The following FNDC3B variants were observed in gnomAD, a reference collection of about 807,000 sequenced individuals.
The protein encoded by FNDC3B is fibronectin type III domain containing 3B.
FNDC3B carries 12 observed loss-of-function variants against 151.5 expected under a neutral mutation model. The observed-to-expected ratio is 0.08, with a 90% CI of 0.05 to 0.13. FNDC3B has a LOEUF of 0.13. Ranked by LOEUF, FNDC3B falls within the 10% of genes least tolerant of loss-of-function variation. The probability of loss-of-function intolerance (pLI) is 1.00; values close to 1 mark genes in which losing one functional copy is unlikely to be tolerated. For synonymous variants in FNDC3B, 528 were observed against 549.0 expected, an observed-to-expected ratio of 0.96 and a Z score of 0.54; for missense variants, 1,214 against 1,505.3, an observed-to-expected ratio of 0.81 and a Z score of 3.20.
chr3:172,189,523 C>G (rs1020818939), intron 3 of FNDC3B, among the ~76,000 whole-genome samples: 2 of 152,150 alleles, frequency 1.3e-5, no homozygotes, highest in Non-Finnish European at 2.9e-5. Context: ...ACCAGTGCTT[C>G]AAACAAATTT....
chr3:172,101,084 A>C (rs753862559), intron 1 of FNDC3B, among the ~76,000 whole-genome samples: 1 of 152,208 alleles, frequency 6.6e-6, no homozygotes, highest in Non-Finnish European at 1.5e-5. Flanking sequence ...AGTGTGTAAA[A>C]TAAACATGAT....
chr3:172,095,788 TAAAA>T (rs918165248), intron 1 of FNDC3B, among the ~76,000 whole-genome samples: 5 of 99,670 alleles, frequency 5.0e-5, no homozygotes, highest in Admixed American at 1.2e-4. Flanking sequence ...TTTTCTTTGT[TAAAA>T]AAACAAACAA....
chr3:172,289,767 C>T (rs902549877), intron 7 of FNDC3B, among the ~76,000 whole-genome samples: 2 of 152,174 alleles, frequency 1.3e-5, no homozygotes, highest in East Asian at 1.9e-4. Flanking sequence ...CCTCCGCCAG[C>T]GTGTAAGGCA....
rs561914586 is a variant in FNDC3B at position 172,200,961 on chromosome 3, C to G, written c.188-25910C>G. On this transcript the variant is annotated intron_variant, in intron 3 of 25. Transcript: ENST00000415807. ...GTTTAATTTTTAACAAAAGAGCTAT[C>G]TTTGTGGCAATTGTTTTCAATATCT... 4.6e-5 allele frequency among the ~76,000 whole-genome samples: 7 copies of G among 152,274 alleles called. No homozygotes were observed. The South Asian group carries it at 1.5e-3, about 32-fold the overall frequency.
At chr3:172,366,684 AC>A (rs1734635867) in intron 23 of FNDC3B, among the ~76,000 whole-genome samples, 1 of 152,316 alleles carries the variant, frequency 6.6e-6, no homozygotes, top group East Asian at 1.9e-4. Context: ...CTAAAGATTG[AC>A]ACATGCACAA....
At chr3:172,102,688 A>G (rs1363399040) in intron 1 of FNDC3B, among the ~76,000 whole-genome samples, 1 of 152,136 alleles carries the variant, frequency 6.6e-6, no homozygotes, top group Non-Finnish European at 1.5e-5. Context: ...GTAGTGCCCA[A>G]GGTCTGGGCA....
intron 3 of FNDC3B, among the ~76,000 whole-genome samples, chr3:172,196,912 G>A (rs1724864044): frequency 6.6e-6 from 1 of 152,206 alleles, no homozygotes; most frequent in Non-Finnish European, 1.5e-5. Context: ...GCTGGGCATG[G>A]TGGCTCACGC....
At chr3:172,149,129 C>CTGTT (rs948971098) in intron 3 of FNDC3B, among the ~76,000 whole-genome samples, 29 of 152,294 alleles carry the variant, frequency 1.9e-4, no homozygotes, top group African/African-American at 6.7e-4. Flanking sequence ...TGTTTCAAGC[C>CTGTT]TGTTTCCCTT....
intron 2 of FNDC3B, among the ~76,000 whole-genome samples, chr3:172,122,769 C>G (rs564528350): frequency 9.2e-5 from 14 of 152,206 alleles, no homozygotes; most frequent in African/African-American, 1.2e-4. Context: ...ATAAAATGGA[C>G]AGTCTGCATT....
intron 12 of FNDC3B, chr3:172,330,290 C>G: frequency 2.7e-6 from 1 of 366,206 alleles, no homozygotes; most frequent in Non-Finnish European, 4.9e-6. Context: ...GATGCAGAAC[C>G]CAAGGATACA....
chr3:172,126,133 C>T (rs1720797680), intron 2 of FNDC3B, among the ~76,000 whole-genome samples: 1 of 151,836 alleles, frequency 6.6e-6, no homozygotes, highest in African/African-American at 2.4e-5. Flanking sequence ...TGTGCCTGGA[C>T]ATTATTTGTC....
At chr3:172,378,194 A>G in intron 23 of FNDC3B, 76 bp from the exon 24 acceptor site, 1 of 1,368,520 alleles carries the variant, frequency 7.3e-7, no homozygotes, top group Non-Finnish European at 9.9e-7. Flanking sequence ...AATCTGCTCC[A>G]TTAGTTTGCA....
In FNDC3B at chr3:172,040,702, A is replaced by AG. The variant is rs1396706961; in HGVS notation, c.-29+935dup. Reference sequence around the variant, plus strand: ...GAATCTGCGCCCCGAGGCGGCCAGGAGGGGCCGCGCGGACCGTCTGGTGCC... The same window carrying AG: ...GAATCTGCGCCCCGAGGCGGCCAGGAGGGGGCCGCGCGGACCGTCTGGTGCC... On this transcript the variant is annotated intron_variant, in intron 1 of 25. Coordinates refer to ENST00000415807, the MANE Select transcript of FNDC3B (RefSeq NM_022763.4). The surrounding 1 kb of genome is among the most constrained non-coding windows in gnomAD (Gnocchi z 6.6). 6.6e-6 allele frequency: 1 copy of AG among 151,768 alleles called. No individual in the cohort carries two copies. Among genetic ancestry groups the AG allele is most frequent in the Non-Finnish European group, 1.5e-5 (1 of 67,976 alleles). 9.4% of individuals were successfully genotyped at this position (151,768 alleles called of 1,614,324 possible).
chr3:172,309,675 T>C (rs765112875), intron 10 of FNDC3B, among the ~76,000 whole-genome samples: 1 of 152,184 alleles, frequency 6.6e-6, no homozygotes, highest in Non-Finnish European at 1.5e-5. Context: ...AATTTCATTA[T>C]TAATTTAACT....
chr3:172,125,873 G>A (rs967895751), intron 2 of FNDC3B, among the ~76,000 whole-genome samples: 1 of 152,026 alleles, frequency 6.6e-6, no homozygotes, highest in Non-Finnish European at 1.5e-5. Flanking sequence ...TGAGTTCCTC[G>A]TTTTCTTTGT....
At chr3:172,300,756 T>C (rs1261012092) in intron 9 of FNDC3B, among the ~76,000 whole-genome samples, 2 of 152,196 alleles carry the variant, frequency 1.3e-5, no homozygotes, top group Non-Finnish European at 2.9e-5. Context: ...CCTCTCTGCT[T>C]TCCAGGAAGA....
At chr3:172,259,246 T>G (rs1333844130) in intron 6 of FNDC3B, among the ~76,000 whole-genome samples, 1 of 152,150 alleles carries the variant, frequency 6.6e-6, no homozygotes, top group Non-Finnish European at 1.5e-5. Context: ...CCAAATAACT[T>G]TTATTTTTTC....
intron 3 of FNDC3B, among the ~76,000 whole-genome samples, chr3:172,166,523 G>A (rs1301244982): frequency 2.6e-5 from 4 of 152,242 alleles, no homozygotes; most frequent in Middle Eastern, 3.4e-3. Context: ...CTAGATCCAC[G>A]AGAATCCTGT....
At chr3:172,191,552 A>T (rs2108672789) in intron 3 of FNDC3B, among the ~76,000 whole-genome samples, 1 of 152,246 alleles carries the variant, frequency 6.6e-6, no homozygotes, top group Admixed American at 6.5e-5. Flanking sequence ...GCTGGAGTGC[A>T]GTGGTGTGAT....
Sources: allele counts gnomAD v4.1 joint callset (sites outside exome capture counted in the v4.1 genomes callset), GRCh38; gene constraint gnomAD v4.1.1; non-coding constraint Gnocchi (gnomAD v3.1); transcripts MANE v1.5; gene names NCBI Gene and HGNC (gene_info 2026-07-23, HGNC 2026-07-21).